CTXND2: variants seen among roughly 807,000 people sequenced by gnomAD.
CTXND2 encodes the protein cortexin domain containing 2.
At chr1:150,892,528 C>CTTT (rs5777740) in intron 1 of CTXND2, among the ~76,000 whole-genome samples, 57 of 123,328 alleles carry the variant, frequency 4.6e-4, no homozygotes, top group African/African-American at 1.0e-3. Context: ...TCTTCTTCTT[C>CTTT]TTTTTTTTTT....
intron 1 of CTXND2, among the ~76,000 whole-genome samples, chr1:150,893,111 G>A (rs150192970): frequency 3.5e-4 from 53 of 152,054 alleles, no homozygotes; most frequent in Non-Finnish European, 5.9e-4. Flanking sequence ...AATATCTTAC[G>A]TATTTTTAAT....
intron 1 of CTXND2, chr1:150,903,828 A>G (rs1669087218): frequency 2.2e-5 from 10 of 456,212 alleles, no homozygotes; most frequent in East Asian, 5.4e-5. Flanking sequence ...GCCTTTATGG[A>G]GAGAGTGGGA....
chr1:150,903,814 AAT>A, intron 1 of CTXND2: 2 of 425,640 alleles, frequency 4.7e-6, no homozygotes, highest in South Asian at 2.0e-5. Flanking sequence ...AAAAAAAAAA[AAT>A]TGCCTTTATG....
chr1:150,907,732 C>T (rs780190720), intron 1 of CTXND2, among the ~76,000 whole-genome samples: 26 of 97,728 alleles, frequency 2.7e-4, no homozygotes, highest in African/African-American at 7.6e-4. Flanking sequence ...TTTTTTGAGA[C>T]GGAGTCTCGC....
intron 1 of CTXND2, among the ~76,000 whole-genome samples, chr1:150,900,913 G>C (rs146789195): frequency 6.6e-6 from 1 of 152,120 alleles, no homozygotes; most frequent in Admixed American, 6.6e-5. Flanking sequence ...CCAGGAGTTC[G>C]AGACCAGCTT....
chr1:150,903,362 A>C (rs1367649395), intron 1 of CTXND2, among the ~76,000 whole-genome samples: 3 of 152,126 alleles, frequency 2.0e-5, no homozygotes, highest in Non-Finnish European at 4.4e-5. Context: ...AAGAGAGGCC[A>C]ACAGCCTTTC....
At chr1:150,900,573 G>A (rs183899635) in intron 1 of CTXND2, among the ~76,000 whole-genome samples, 47 of 152,246 alleles carry the variant, frequency 3.1e-4, no homozygotes, top group Admixed American at 1.1e-3. Context: ...ACTTGAACCC[G>A]GGAGGTGGAG....
At chr1:150,896,377 A>C (rs1327080258) in intron 1 of CTXND2, among the ~76,000 whole-genome samples, 1 of 152,196 alleles carries the variant, frequency 6.6e-6, no homozygotes, top group Non-Finnish European at 1.5e-5. Context: ...TTTAAGTCTC[A>C]TGTGAGTGGG....
intron 1 of CTXND2, among the ~76,000 whole-genome samples, chr1:150,898,790 C>T (rs1668948336): frequency 6.8e-6 from 1 of 146,078 alleles, no homozygotes; most frequent in Non-Finnish European, 1.5e-5. Flanking sequence ...AAAGGCAGGG[C>T]GGGGGGCCCG....
At chr1:150,900,488 A>G (rs992195887) in intron 1 of CTXND2, among the ~76,000 whole-genome samples, 2 of 152,218 alleles carry the variant, frequency 1.3e-5, no homozygotes, top group Non-Finnish European at 2.9e-5. Flanking sequence ...CCAAGAACTC[A>G]CTGGAAGGAA....
intron 1 of CTXND2, among the ~76,000 whole-genome samples, chr1:150,904,451 G>T (rs1489740667): frequency 6.6e-6 from 1 of 152,158 alleles, no homozygotes; most frequent in East Asian, 1.9e-4. Flanking sequence ...CCCTTCTAAA[G>T]ATATGATTAG....
intron 1 of CTXND2, among the ~76,000 whole-genome samples, chr1:150,888,273 G>A (rs903613810): frequency 6.6e-6 from 1 of 151,028 alleles, no homozygotes; most frequent in Non-Finnish European, 1.5e-5. Flanking sequence ...GAGTGCAGTG[G>A]CGCGATCTTG....
chr1:150,904,274 A>G (rs1041277852), intron 1 of CTXND2: 1 of 483,978 alleles, frequency 2.1e-6, no homozygotes. Context: ...CATGTGTACC[A>G]TACTTTAACA....
chr1:150,894,410 A>C (rs1232858148), intron 1 of CTXND2, among the ~76,000 whole-genome samples: 1 of 152,208 alleles, frequency 6.6e-6, no homozygotes, highest in Non-Finnish European at 1.5e-5. Flanking sequence ...GTATTATTCA[A>C]ATATTCTATA....
chr1:150,890,353 C>G (rs1439814937), intron 1 of CTXND2, among the ~76,000 whole-genome samples: 2 of 152,148 alleles, frequency 1.3e-5, no homozygotes. Context: ...TTACTGCCTT[C>G]CAGAACCTTC....
At chr1:150,908,088 A>G (rs1196012399) in intron 1 of CTXND2, among the ~76,000 whole-genome samples, 1 of 148,940 alleles carries the variant, frequency 6.7e-6, no homozygotes. Flanking sequence ...AGCTCACTGC[A>G]GCCTCCCAGG....
intron 1 of CTXND2, among the ~76,000 whole-genome samples, chr1:150,893,108 T>C (rs1668873253): frequency 6.6e-6 from 1 of 152,228 alleles, no homozygotes; most frequent in South Asian, 2.1e-4. Context: ...TTAAATATCT[T>C]ACGTATTTTT....
intron 1 of CTXND2, chr1:150,903,817 T>G: frequency 4.8e-6 from 2 of 416,248 alleles, no homozygotes; most frequent in Non-Finnish European, 9.2e-6. Context: ...AAAAAAAAAT[T>G]GCCTTTATGG....
intron 1 of CTXND2, among the ~76,000 whole-genome samples, chr1:150,911,191 G>A (rs587619928): frequency 2.4e-4 from 36 of 150,548 alleles, no homozygotes; most frequent in African/African-American, 6.8e-4. Context: ...CAAGTGATCC[G>A]CCTGCCTCGG....
Sources: gnomAD v4.1 joint callset for allele counts (sites outside exome capture counted in the v4.1 genomes callset) on GRCh38, gnomAD v4.1.1 for gene constraint, MANE v1.5 for transcripts, NCBI Gene and HGNC (gene_info 2026-07-23, HGNC 2026-07-21) for gene names.